Variants in CRTAC1 observed in about 807,000 individuals in gnomAD.
CRTAC1 encodes cartilage acidic protein 1.
In CRTAC1, 37 loss-of-function variants were observed where a neutral mutation model predicts 67.8. The observed-to-expected ratio is 0.55, with a 90% CI of 0.42 to 0.72. The LOEUF (loss-of-function observed/expected upper bound fraction) is 0.72. Ranked by LOEUF, CRTAC1 falls within the 30% of genes least tolerant of loss-of-function variation. CRTAC1 has a pLI of 0.00. For synonymous variants in CRTAC1, 348 were observed against 371.0 expected (o/e 0.94, Z 0.71); for missense variants, 780 against 931.6 (o/e 0.84, Z 2.12).
intron 14 of CRTAC1, chr10:97,871,466 A>G (rs2050092656): frequency 6.6e-6 from 1 of 152,254 alleles, no homozygotes; most frequent in African/African-American, 2.4e-5. Context: ...ACCTCGTTAT[A>G]CGATGGCCTC....
chr10:97,996,897 T>C (rs929168118), intron 2 of CRTAC1, among the ~76,000 whole-genome samples: 12 of 152,020 alleles, frequency 7.9e-5, no homozygotes, highest in African/African-American at 2.7e-4. Flanking sequence ...TGGAATACTA[T>C]GCAGCCAGAA....
chr10:97,977,969 G>C (rs1040620813), intron 2 of CRTAC1, among the ~76,000 whole-genome samples: 13 of 152,132 alleles, frequency 8.5e-5, no homozygotes, highest in South Asian at 2.1e-4. Flanking sequence ...TCTTCCTGAG[G>C]TTTTATATCA....
chr10:97,889,323 G>C (rs1308596482), intron 11 of CRTAC1, among the ~76,000 whole-genome samples: 2 of 152,082 alleles, frequency 1.3e-5, no homozygotes, highest in Non-Finnish European at 2.9e-5. Context: ...TGGGTTCCGA[G>C]CAACCAGGTT....
chr10:97,897,873 C>T (rs1333474952), intron 8 of CRTAC1, among the ~76,000 whole-genome samples: 1 of 152,192 alleles, frequency 6.6e-6, no homozygotes, highest in Non-Finnish European at 1.5e-5. Context: ...GCACTTCCTA[C>T]CACATTGCAG....
intron 2 of CRTAC1, among the ~76,000 whole-genome samples, chr10:97,948,225 G>C (rs142425399): frequency 1.4e-3 from 210 of 152,252 alleles, no homozygotes; most frequent in African/African-American, 4.9e-3. Flanking sequence ...GGAAGGCAAG[G>C]GTTAAAATAA....
chr10:97,927,260 T>G (rs2050934599), intron 3 of CRTAC1, among the ~76,000 whole-genome samples: 1 of 152,168 alleles, frequency 6.6e-6, no homozygotes, highest in Non-Finnish European at 1.5e-5. Context: ...GGGACTCTGA[T>G]CTCTACGAGG....
At chr10:97,996,103 A>C (rs536459062) in intron 2 of CRTAC1, among the ~76,000 whole-genome samples, 268 of 152,022 alleles carry the variant, frequency 1.8e-3, no homozygotes, top group Middle Eastern at 6.8e-3. Flanking sequence ...TAAAGACTTA[A>C]ACGTTAGACC....
chr10:97,961,992 A>G (rs1464736282), intron 2 of CRTAC1, among the ~76,000 whole-genome samples: 1 of 152,120 alleles, frequency 6.6e-6, no homozygotes, highest in East Asian at 1.9e-4. Flanking sequence ...TCTTTTTTAG[A>G]ACACAGATCC....
Position 97,908,049 on chromosome 10 carries a change from C to T in CRTAC1, c.814G>A (p.Gly272Ser). Residue 272 changes from glycine (G) to serine (S), a missense_variant, in exon 6 of 15, where the codon GGC (glycine) becomes AGC (serine). Coordinates refer to ENST00000370597, the MANE Select transcript of CRTAC1 (RefSeq NM_018058.7). The stretch of plus-strand genomic sequence containing the variant: ...GCAGCGTCCACAAAGGTGCCATCGC[C>T]CCGGTTGTGGAAAAGGAAGTTAGGC... ...NGPNFLFHNRGDGTFVDAAAS... is the reference protein window; with the variant it reads ...NGPNFLFHNRSDGTFVDAAAS... 2.5e-6 allele frequency: 4 copies of T among 1,614,202 alleles called. No individual in the cohort carries two copies. Among genetic ancestry groups the T allele is most frequent in the Non-Finnish European group, 2.5e-6 (3 of 1,180,026 alleles).
intron 14 of CRTAC1, chr10:97,879,731 T>A: frequency 6.4e-7 from 1 of 1,550,434 alleles, no homozygotes; most frequent in Non-Finnish European, 8.7e-7. Context: ...GAGAAAGATA[T>A]GAGGCCCGAG....
intron 3 of CRTAC1, among the ~76,000 whole-genome samples, chr10:97,926,375 C>G (rs547969435): frequency 1.3e-5 from 2 of 152,206 alleles, no homozygotes; most frequent in Non-Finnish European, 2.9e-5. Flanking sequence ...TCCCTCTCAG[C>G]GTCGTTGTGG....
chr10:97,884,473 T>C, intron 11 of CRTAC1, 122 bp from the exon 12 acceptor site: 1 of 938,876 alleles, frequency 1.1e-6, no homozygotes, highest in Non-Finnish European at 1.6e-6. Flanking sequence ...TTCTAAGTGC[T>C]AGGGAAATGG....
chr10:97,922,477 C>T (rs898791372), intron 4 of CRTAC1, among the ~76,000 whole-genome samples: 2 of 152,166 alleles, frequency 1.3e-5, no homozygotes. Flanking sequence ...GCAGCTGGGC[C>T]CCTGATTTAG....
At chr10:97,953,888 A>G (rs1015254850) in intron 2 of CRTAC1, among the ~76,000 whole-genome samples, 8 of 152,236 alleles carry the variant, frequency 5.3e-5, no homozygotes, top group Non-Finnish European at 1.2e-4. Flanking sequence ...AAATTATACC[A>G]GTGAGTGCAG....
chr10:97,969,701 G>T (rs948576553), intron 2 of CRTAC1, among the ~76,000 whole-genome samples: 1 of 152,104 alleles, frequency 6.6e-6, no homozygotes, highest in African/African-American at 2.4e-5. Context: ...CAGAAACACA[G>T]ATCTGATCAT....
In CRTAC1 at chr10:98,029,419, G is replaced by T. The variant is rs569877140; in HGVS notation, c.24+1030C>A. Among the ~76,000 whole-genome samples the T allele has an allele frequency of 6.6e-6, 1 of 152,238 alleles. No individual in the cohort carries two copies. Among genetic ancestry groups the T allele is most frequent in the African/African-American group, 2.4e-5 (1 of 41,552 alleles). ...CACCTCAAGTGCAACTCAAGAATGT[G>T]TCCTGTCAGGAGAACGGAAGCATCT... On this transcript the variant is annotated intron_variant, in intron 1 of 14. Coordinates refer to ENST00000370597, the MANE Select transcript of CRTAC1 (RefSeq NM_018058.7). This position sits in a 1 kb window ranked among gnomAD's most constrained non-coding sequence, Gnocchi z 4.7.
intron 2 of CRTAC1, among the ~76,000 whole-genome samples, chr10:97,937,716 G>C (rs2051111466): frequency 6.6e-6 from 1 of 152,150 alleles, no homozygotes; most frequent in Non-Finnish European, 1.5e-5. Flanking sequence ...GGAAGTCGGT[G>C]TGCCCAAGGT....
intron 2 of CRTAC1, among the ~76,000 whole-genome samples, chr10:97,964,649 A>G (rs1188865368): frequency 6.6e-6 from 1 of 152,216 alleles, no homozygotes; most frequent in East Asian, 1.9e-4. Flanking sequence ...CCGACCACAC[A>G]GTGCTGATGA....
At position 97,917,607 on chromosome 10, in the gene CRTAC1, A is replaced by T; in HGVS notation, c.608T>A (p.Val203Glu). The T allele has an allele frequency of 6.2e-7, 1 of 1,600,330 alleles. No homozygotes were observed. The highest frequency in any genetic ancestry group is 8.5e-7 in the Non-Finnish European group (1 of 1,171,768). The change falls in exon 5 of 15, where the codon GTG becomes GAG. Residue 203 changes from valine (V) to glutamate (E), a missense_variant. Transcript: ENST00000370597. ...CATTTCAATGAGGGCATCAGGGCCC[A>T]CATTACCGTAGGCGTAATTGGCAAT... is the stretch of plus-strand genomic sequence containing the variant. ...IYIANYAYGN[V>E]GPDALIEMDP...
Sources: gnomAD v4.1 joint callset for allele counts (sites outside exome capture counted in the v4.1 genomes callset) on GRCh38, gnomAD v4.1.1 for gene constraint, Gnocchi (gnomAD v3.1) non-coding constraint, MANE v1.5 for transcripts, NCBI Gene and HGNC (gene_info 2026-07-23, HGNC 2026-07-21) for gene names.